The following NMNAT1 variants were observed in gnomAD, a reference collection of about 807,000 sequenced individuals.
The protein encoded by NMNAT1 is nicotinamide/nicotinic acid mononucleotide adenylyltransferase 1.
In NMNAT1, 11 loss-of-function variants were observed where a neutral mutation model predicts 16.7. The observed-to-expected ratio is 0.66, with a 90% CI of 0.41 to 1.09. The LOEUF (loss-of-function observed/expected upper bound fraction) is 1.09, where lower values mean the gene tolerates loss of function less well. Among genes scored for constraint, NMNAT1 ranks in the 50% least tolerant of loss-of-function variants. NMNAT1 has a pLI of 0.00. For missense variants in NMNAT1, 280 were observed against 332.3 expected (o/e 0.84, Z 1.22); for synonymous variants, 110 against 119.8 (o/e 0.92, Z 0.53).
chr1:9,949,087 T>C lies in NMNAT1; in HGVS notation c.-57+5572T>C, dbSNP rs372584088. On this transcript the variant is annotated intron_variant, in intron 1 of 4. Coordinates refer to ENST00000377205, the MANE Select transcript of NMNAT1 (RefSeq NM_022787.4). The stretch of plus-strand genomic sequence containing the variant: ...GTGTTCAAGAGCAGCCTGACCAACA[T>C]AGTGAAACCCCATCTCTACTAAAAA... Among the ~76,000 whole-genome samples, 930 of 151,048 alleles carry C rather than the reference T, an allele frequency of 6.2e-3. 10 individuals are homozygous for C. Among genetic ancestry groups the C allele is most frequent in the South Asian group, 0.013 (60 of 4,764 alleles).
At chr1:9,972,606 A>C (rs1007480904) in intron 2 of NMNAT1, 6 of 156,118 alleles carry the variant, frequency 3.8e-5, no homozygotes, top group African/African-American at 1.2e-4. Context: ...GTGAATTCTT[A>C]GCCAAAAAAG....
intron 1 of NMNAT1, among the ~76,000 whole-genome samples, chr1:9,950,191 A>G (rs1450874492): frequency 6.6e-6 from 1 of 152,110 alleles, no homozygotes; most frequent in East Asian, 1.9e-4. Context: ...CCCGGGTTCA[A>G]GTGATTCTCC....
intron 1 of NMNAT1, among the ~76,000 whole-genome samples, chr1:9,968,173 G>A (rs899822467): frequency 2.1e-5 from 3 of 139,990 alleles, no homozygotes; most frequent in South Asian, 2.4e-4. Context: ...CTGGGTTCAC[G>A]CCGTTCTCCT....
intron 1 of NMNAT1, among the ~76,000 whole-genome samples, chr1:9,944,887 A>C (rs955643312): frequency 1.3e-5 from 2 of 152,226 alleles, no homozygotes; most frequent in African/African-American, 4.8e-5. Context: ...CACTAGTTGA[A>C]ATGGTTGCAA....
chr1:9,944,427 T>C (rs531406947), intron 1 of NMNAT1, among the ~76,000 whole-genome samples: 11 of 152,280 alleles, frequency 7.2e-5, no homozygotes, highest in African/African-American at 2.6e-4. Context: ...TGGAACTATT[T>C]AATGATGTTC....
At chr1:9,964,186 C>T (rs374933506) in intron 1 of NMNAT1, among the ~76,000 whole-genome samples, 221 of 151,650 alleles carry the variant, frequency 1.5e-3, no homozygotes, top group Non-Finnish European at 2.7e-3. Flanking sequence ...GCTACCACAC[C>T]GGGCCGAAAG....
chr1:9,991,077 TTAG>T, the NMNAT1 span, among the ~76,000 whole-genome samples: 1 of 152,170 alleles, frequency 6.6e-6, no homozygotes, highest in African/African-American at 2.4e-5. Context: ...AAAACTATTA[TTAG>T]TTTTTTCTGT....
intron 1 of NMNAT1, among the ~76,000 whole-genome samples, chr1:9,947,110 A>C (rs552694011): frequency 6.6e-6 from 1 of 152,130 alleles, no homozygotes; most frequent in Admixed American, 6.6e-5. Flanking sequence ...ACTTGGATAT[A>C]TAATAGATGT....
intron 1 of NMNAT1, chr1:9,952,526 A>G (rs1641139934): frequency 6.6e-6 from 1 of 151,670 alleles, no homozygotes; most frequent in African/African-American, 2.4e-5. Flanking sequence ...AGAAAGAAAC[A>G]TATTCTTTGT....
chr1:9,992,003 T>C, the NMNAT1 span, among the ~76,000 whole-genome samples: 1 of 152,052 alleles, frequency 6.6e-6, no homozygotes, highest in Admixed American at 6.6e-5. Flanking sequence ...AGGCAGAGGT[T>C]GAGCCACCCC....
the NMNAT1 span, among the ~76,000 whole-genome samples, chr1:9,992,859 T>C: frequency 1.3e-5 from 2 of 151,414 alleles, no homozygotes; most frequent in Admixed American, 6.6e-5. Context: ...TTGCAGTGAG[T>C]GGAGATCGCA....
rs1158799125 is a variant in NMNAT1, at chr1:9,975,767, G to A, written c.291G>A (p.Lys97=). The change falls in exon 3 of 5, where the codon AAG becomes AAA. Residue 97 remains lysine, a synonymous_variant. Coordinates refer to ENST00000377205, the MANE Select transcript of NMNAT1 (RefSeq NM_022787.4). ...AGAAGGAGTGGAAAGAGACTCTGAAGGTGCTAAGGTATTTATGGTGTAATC... is the reference window on the plus strand; with the variant it reads ...AGAAGGAGTGGAAAGAGACTCTGAAAGTGCTAAGGTATTTATGGTGTAATC... ...SLQKEWKETL[K]VLRHHQEKLE... 1 of 1,611,456 alleles carries A rather than the reference G, an allele frequency of 6.2e-7. No individual in the cohort carries two copies. The highest frequency in any genetic ancestry group is 8.5e-7 in the Non-Finnish European group (1 of 1,178,762).
rs1158701618 is a variant in NMNAT1 at position 9,982,634 on chromosome 1, G to C, written c.773G>C (p.Ser258Thr). 1.9e-6 allele frequency: 3 copies of C among 1,614,048 alleles called. No individual in the cohort carries two copies. The highest frequency in any genetic ancestry group is 1.6e-4 in the Middle Eastern group (1 of 6,084). ...IEKHNLYSSE[S>T]EDRNAGVILA... The stretch of plus-strand genomic sequence containing the variant: ...AAGCATAATTTGTACAGCTCTGAGA[G>C]TGAAGACAGGAATGCTGGGGTCATC... Residue 258 changes from serine (S) to threonine (T), a missense_variant, in exon 5 of 5, where the codon AGT becomes ACT. Coordinates refer to ENST00000377205, the MANE Select transcript of NMNAT1 (RefSeq NM_022787.4).
intron 1 of NMNAT1, among the ~76,000 whole-genome samples, chr1:9,945,627 C>T (rs893161914): frequency 1.3e-5 from 2 of 152,104 alleles, no homozygotes. Flanking sequence ...TTGAACCCGG[C>T]AGGCGGAGGT....
chr1:9,964,840 C>T (rs1641504446), intron 1 of NMNAT1, among the ~76,000 whole-genome samples: 2 of 140,472 alleles, frequency 1.4e-5, no homozygotes, highest in East Asian at 2.3e-4. Flanking sequence ...CCCAGCTACT[C>T]GGGAGGCTGA....
intron 1 of NMNAT1, among the ~76,000 whole-genome samples, chr1:9,962,680 T>G (rs1388822507): frequency 8.1e-6 from 1 of 123,550 alleles, no homozygotes; most frequent in African/African-American, 3.0e-5. Context: ...AATAAGGGTT[T>G]TTTTTTTTTT....
intron 1 of NMNAT1, among the ~76,000 whole-genome samples, chr1:9,950,801 A>G (rs567285857): frequency 6.6e-6 from 1 of 152,196 alleles, no homozygotes; most frequent in Non-Finnish European, 1.5e-5. Context: ...TTTAAGAGGA[A>G]CTAGGGTGTG....
At chr1:9,968,293 C>T (rs138524123) in intron 1 of NMNAT1, among the ~76,000 whole-genome samples, 2,604 of 151,092 alleles carry the variant, frequency 0.017, 70 homozygotes, top group African/African-American at 0.058. Flanking sequence ...AGGGTGGTCT[C>T]GATCTCCTGA....
At chr1:9,946,656 G>C (rs1188543718) in intron 1 of NMNAT1, among the ~76,000 whole-genome samples, 5 of 152,180 alleles carry the variant, frequency 3.3e-5, no homozygotes, top group African/African-American at 1.2e-4. Context: ...TGAACTTTTA[G>C]AATCAAAGAT....
Sources: allele counts gnomAD v4.1 joint callset (sites outside exome capture counted in the v4.1 genomes callset), GRCh38; gene constraint gnomAD v4.1.1; transcripts MANE v1.5; gene names NCBI Gene and HGNC (gene_info 2026-07-23, HGNC 2026-07-21).